PRKG1: variants seen among roughly 807,000 people sequenced by gnomAD.
The protein encoded by PRKG1 is cGMP-dependent protein kinase 1.
Under a neutral mutation model 88.1 loss-of-function variants are expected in PRKG1, and 35 were observed. The ratio of observed to expected loss-of-function variants is 0.40; its 90% CI spans 0.30 to 0.53. PRKG1 has a LOEUF of 0.53. Among genes scored for constraint, PRKG1 ranks in the 20% least tolerant of loss-of-function variants. The pLI is 0.59. For synonymous variants in PRKG1, 303 were observed against 292.5 expected (o/e 1.04, Z -0.37); for missense variants, 540 against 839.8 (o/e 0.64, Z 4.41).
intron 3 of PRKG1, among the ~76,000 whole-genome samples, chr10:51,677,530 T>C (rs536966281): frequency 6.6e-6 from 1 of 152,338 alleles, no homozygotes; most frequent in Non-Finnish European, 1.5e-5. Context: ...CAGGAATATC[T>C]GGTTCAGAAT....
intron 9 of PRKG1, among the ~76,000 whole-genome samples, chr10:52,218,856 A>G (rs1840176755): frequency 6.6e-6 from 1 of 152,166 alleles, no homozygotes; most frequent in Non-Finnish European, 1.5e-5. Context: ...ATTAATTAAT[A>G]TTTTAAACTA....
At chr10:52,074,625 T>C (rs1332773156) in intron 7 of PRKG1, among the ~76,000 whole-genome samples, 1 of 152,226 alleles carries the variant, frequency 6.6e-6, no homozygotes, top group African/African-American at 2.4e-5. Flanking sequence ...TGTGTCTCTG[T>C]CATTCTCATT....
At chr10:51,578,647 T>C (rs534238373) in intron 3 of PRKG1, among the ~76,000 whole-genome samples, 5 of 152,158 alleles carry the variant, frequency 3.3e-5, no homozygotes, top group African/African-American at 7.2e-5. Context: ...AACTAAGCCA[T>C]ACTGTCAGCA....
At chr10:51,103,054 A>T (rs1450890263) in intron 1 of PRKG1, among the ~76,000 whole-genome samples, 2 of 152,198 alleles carry the variant, frequency 1.3e-5, no homozygotes, top group Non-Finnish European at 2.9e-5. Flanking sequence ...AAAATATTAT[A>T]GCAGAGTGAA....
chr10:51,819,006 C>CAAAAAAAAAAAAAAAAA (rs869048560), intron 4 of PRKG1, among the ~76,000 whole-genome samples: 5 of 18,346 alleles, frequency 2.7e-4, no homozygotes, highest in African/African-American at 8.5e-4. Context: ...GACTCCGTCT[C>CAAAAAAAAAAAAAAAAA]AAAAAAAAAA....
chr10:52,257,954 G>A (rs1396652851), intron 10 of PRKG1, among the ~76,000 whole-genome samples: 1 of 138,748 alleles, frequency 7.2e-6, no homozygotes, highest in Non-Finnish European at 1.6e-5. Context: ...CTCTACTTTG[G>A]TATATGCAAA....
intron 2 of PRKG1, among the ~76,000 whole-genome samples, chr10:51,291,464 C>T (rs1384046963): frequency 1.3e-5 from 2 of 152,114 alleles, no homozygotes; most frequent in East Asian, 3.8e-4. Flanking sequence ...TGCTTAGGTC[C>T]AGTTGAAAAG....
chr10:51,817,264 G>T (rs1839610322), intron 4 of PRKG1, among the ~76,000 whole-genome samples: 1 of 151,910 alleles, frequency 6.6e-6, no homozygotes, highest in Non-Finnish European at 1.5e-5. Flanking sequence ...TGTGACAATG[G>T]TATACATGTG....
chr10:51,899,646 A>C (rs2132929355), intron 4 of PRKG1, among the ~76,000 whole-genome samples: 1 of 142,916 alleles, frequency 7.0e-6, no homozygotes, highest in Non-Finnish European at 1.5e-5. Flanking sequence ...CGACAGCGTG[A>C]GAGTCTGTCA....
intron 5 of PRKG1, among the ~76,000 whole-genome samples, chr10:51,976,672 A>G (rs1429679320): frequency 4.6e-5 from 7 of 151,952 alleles, no homozygotes; most frequent in African/African-American, 1.4e-4. Flanking sequence ...AAAAATTCTT[A>G]AGTTAGATTG....
intron 3 of PRKG1, among the ~76,000 whole-genome samples, chr10:51,513,878 C>G (rs1395045236): frequency 6.4e-5 from 7 of 108,808 alleles, no homozygotes; most frequent in African/African-American, 2.2e-4. Context: ...GCACTAAATG[C>G]CCACAAGAGA....
At chr10:51,187,562 G>A (rs148221663) in intron 2 of PRKG1, among the ~76,000 whole-genome samples, 389 of 151,946 alleles carry the variant, frequency 2.6e-3, no homozygotes, top group African/African-American at 8.9e-3. Context: ...TGAGTGTTTG[G>A]CTGTTAAGTG....
At chr10:52,115,786 A>G (rs186488212) in intron 7 of PRKG1, among the ~76,000 whole-genome samples, 64 of 152,274 alleles carry the variant, frequency 4.2e-4, no homozygotes, top group African/African-American at 1.5e-3. Flanking sequence ...ATACCCAGCA[A>G]CTTGGACTAT....
chr10:51,155,206 C>T (rs985771829), intron 2 of PRKG1, among the ~76,000 whole-genome samples: 1 of 151,912 alleles, frequency 6.6e-6, no homozygotes, highest in Non-Finnish European at 1.5e-5. Flanking sequence ...AGTAGATTTC[C>T]AAACAACCAT....
At chr10:51,223,565 C>T (rs1182908794) in intron 2 of PRKG1, among the ~76,000 whole-genome samples, 1 of 152,018 alleles carries the variant, frequency 6.6e-6, no homozygotes, top group Non-Finnish European at 1.5e-5. Context: ...AAAATTTGTC[C>T]TTTTACTTAG....
chr10:51,930,825 C>G (rs7083358), intron 5 of PRKG1, among the ~76,000 whole-genome samples: 31,244 of 151,990 alleles, frequency 0.21, 5,339 homozygotes, highest in African/African-American at 0.47. Context: ...GAAAGGCAAA[C>G]GTAGTAGTTT....
At chr10:51,817,533 C>CT (rs886599186) in intron 4 of PRKG1, among the ~76,000 whole-genome samples, 5 of 152,010 alleles carry the variant, frequency 3.3e-5, no homozygotes, top group African/African-American at 1.2e-4. Flanking sequence ...TGAACTCATC[C>CT]TTTTTTTATG....
intron 3 of PRKG1, among the ~76,000 whole-genome samples, chr10:51,525,489 G>A (rs1841857168): frequency 6.6e-6 from 1 of 152,128 alleles, no homozygotes; most frequent in African/African-American, 2.4e-5. Flanking sequence ...ACGAGGTCAG[G>A]AAATCGAGAC....
chr10:51,581,014 G>A (rs1298150220), intron 3 of PRKG1, among the ~76,000 whole-genome samples: 1 of 151,754 alleles, frequency 6.6e-6, no homozygotes, highest in Admixed American at 6.6e-5. Context: ...CCAGGGGGGG[G>A]TCACTGCCTT....
Sources: gnomAD v4.1 joint callset for allele counts (sites outside exome capture counted in the v4.1 genomes callset) on GRCh38, gnomAD v4.1.1 for gene constraint, MANE v1.5 for transcripts, NCBI Gene and HGNC (gene_info 2026-07-23, HGNC 2026-07-21) for gene names.